NBEA: variants seen among roughly 807,000 people sequenced by gnomAD.
NBEA encodes lysosomal-trafficking regulator 2.
NBEA carries 44 observed loss-of-function variants against 343.4 expected under a neutral mutation model. The observed-to-expected ratio is 0.13, with a 90% CI of 0.10 to 0.16. NBEA has a LOEUF of 0.16. NBEA is among the 10% of genes least tolerant of loss of function. NBEA has a pLI of 1.00. For missense variants in NBEA, 2,555 were observed against 3,631.3 expected (o/e 0.70, Z 7.62); for synonymous variants, 1,175 against 1,238.7 (o/e 0.95, Z 1.08).
intron 41 of NBEA, among the ~76,000 whole-genome samples, chr13:35,527,608 G>A (rs1055979940): frequency 5.9e-5 from 9 of 152,300 alleles, no homozygotes; most frequent in African/African-American, 2.2e-4. Context: ...CACACACCCG[G>A]CTGGGTCACA....
chr13:35,214,209 T>C (rs1291954512), intron 33 of NBEA, among the ~76,000 whole-genome samples: 2 of 152,096 alleles, frequency 1.3e-5, no homozygotes, highest in East Asian at 3.9e-4. Flanking sequence ...TCTATAGATA[T>C]TTGAAAACAC....
chr13:35,443,681 A>G (rs2045855820), intron 39 of NBEA, among the ~76,000 whole-genome samples: 1 of 151,976 alleles, frequency 6.6e-6, no homozygotes, highest in Non-Finnish European at 1.5e-5. Context: ...TTGCTTTCAT[A>G]AAATAATTTT....
At chr13:35,650,845 T>C (rs956628594) in intron 52 of NBEA, among the ~76,000 whole-genome samples, 1 of 152,182 alleles carries the variant, frequency 6.6e-6, no homozygotes, top group Non-Finnish European at 1.5e-5. Context: ...TCTCCAGAGT[T>C]GAATAGCTGA....
At chr13:35,231,251 C>G (rs1430667989) in intron 33 of NBEA, among the ~76,000 whole-genome samples, 1 of 151,880 alleles carries the variant, frequency 6.6e-6, no homozygotes, top group Non-Finnish European at 1.5e-5. Context: ...TTGGCTGTTT[C>G]CAATTTAGGA....
chr13:35,497,187 C>G (rs1022704136), intron 41 of NBEA, among the ~76,000 whole-genome samples: 5 of 152,056 alleles, frequency 3.3e-5, no homozygotes, highest in African/African-American at 1.2e-4. Context: ...TAAAGTGATT[C>G]ACTCAGGGCC....
chr13:35,267,750 A>G (rs2033804549), intron 34 of NBEA, among the ~76,000 whole-genome samples: 1 of 151,932 alleles, frequency 6.6e-6, no homozygotes, highest in African/African-American at 2.4e-5. Context: ...AAAGATATTC[A>G]GCATCACTAG....
At chr13:35,311,476 T>G (rs185425163) in intron 36 of NBEA, among the ~76,000 whole-genome samples, 1 of 152,054 alleles carries the variant, frequency 6.6e-6, no homozygotes, top group African/African-American at 2.4e-5. Flanking sequence ...CTGATAATGC[T>G]TTTGTCAGTC....
chr13:35,290,280 T>G, intron 34 of NBEA, 109 bp from the exon 35 acceptor site: 1 of 669,210 alleles, frequency 1.5e-6, no homozygotes. Context: ...TTAGGAATTC[T>G]ATTTAAAAGA....
chr13:35,570,098 A>G (rs111558048), intron 45 of NBEA, among the ~76,000 whole-genome samples: 1,945 of 152,252 alleles, frequency 0.013, 16 homozygotes, highest in Non-Finnish European at 0.02. Context: ...CAGTGGTGCA[A>G]TCTCGGCTCA....
intron 48 of NBEA, among the ~76,000 whole-genome samples, chr13:35,618,842 G>T (rs1456649564): frequency 6.6e-6 from 1 of 151,990 alleles, no homozygotes; most frequent in African/African-American, 2.4e-5. Flanking sequence ...TTTAGAAAAA[G>T]GCCCTTTCAC....
At position 35,169,057 on chromosome 13, in the gene NBEA, A is replaced by G. The variant is rs1010150072; in HGVS notation, c.4242+62A>G. Reference sequence around the variant, plus strand: ...TTTCAAGTTTTATTTTTACTTATTTATGAAATTTTTGACTTGGTTATATTT... The same window carrying G: ...TTTCAAGTTTTATTTTTACTTATTTGTGAAATTTTTGACTTGGTTATATTT... On this transcript the variant is annotated intron_variant, in intron 25 of 58. Transcript: ENST00000379939. The G allele has an allele frequency of 5.3e-6, 7 of 1,324,332 alleles. No homozygotes were observed. The African/African-American group carries it at 1.1e-4, about 20-fold the overall frequency. 82.0% of individuals were successfully genotyped at this position (1,324,332 alleles called of 1,614,324 possible).
intron 36 of NBEA, among the ~76,000 whole-genome samples, chr13:35,320,360 A>G (rs1166880728): frequency 6.6e-6 from 1 of 152,212 alleles, no homozygotes; most frequent in Non-Finnish European, 1.5e-5. Flanking sequence ...TATGAAGCTG[A>G]GTTCGACTGG....
intron 38 of NBEA, among the ~76,000 whole-genome samples, chr13:35,375,040 G>A (rs951106424): frequency 1.2e-4 from 18 of 152,042 alleles, no homozygotes; most frequent in Admixed American, 1.2e-3. Context: ...ATTCACCTTT[G>A]GCTTTAAAAT....
At chr13:35,088,613 A>T (rs778483494) in intron 10 of NBEA, among the ~76,000 whole-genome samples, 4 of 151,942 alleles carry the variant, frequency 2.6e-5, no homozygotes, top group Non-Finnish European at 5.9e-5. Flanking sequence ...TAAGAATTAG[A>T]TATTAGGCTG....
chr13:35,655,310 A>C (rs572905892), intron 54 of NBEA, among the ~76,000 whole-genome samples: 75 of 152,298 alleles, frequency 4.9e-4, no homozygotes, highest in Non-Finnish European at 9.0e-4. Context: ...GAAGAGAAAA[A>C]TCGTGATTGT....
intron 38 of NBEA, among the ~76,000 whole-genome samples, chr13:35,376,739 G>T (rs2041762447): frequency 6.6e-6 from 1 of 152,124 alleles, no homozygotes; most frequent in South Asian, 2.1e-4. Context: ...GGAGGAGGTG[G>T]TTAGACTGTT....
intron 11 of NBEA, among the ~76,000 whole-genome samples, chr13:35,104,644 CT>C (rs2065826635): frequency 7.6e-6 from 1 of 131,402 alleles, no homozygotes; most frequent in African/African-American, 3.7e-5. Context: ...AATTTCTTAA[CT>C]AATAACAGGT....
chr13:35,640,591 A>G (rs2083898924), intron 49 of NBEA, among the ~76,000 whole-genome samples: 1 of 152,214 alleles, frequency 6.6e-6, no homozygotes, highest in African/African-American at 2.4e-5. Context: ...ATAATTTCGT[A>G]ACTTAGTAGG....
At chr13:35,405,365 A>ATGC (rs1208531017) in intron 38 of NBEA, among the ~76,000 whole-genome samples, 3 of 152,098 alleles carry the variant, frequency 2.0e-5, no homozygotes, top group African/African-American at 4.8e-5. Flanking sequence ...AGACTGTCTC[A>ATGC]TGCTGCTGCT....
Sources: gnomAD v4.1 joint callset for allele counts (sites outside exome capture counted in the v4.1 genomes callset) on GRCh38, gnomAD v4.1.1 for gene constraint, MANE v1.5 for transcripts, NCBI Gene and HGNC (gene_info 2026-07-23, HGNC 2026-07-21) for gene names.